The following MEGF10 variants were observed in gnomAD, a reference collection of about 807,000 sequenced individuals.
MEGF10 encodes multiple epidermal growth factor-like domains protein 10.
Under a neutral mutation model 147.5 loss-of-function variants are expected in MEGF10, and 86 were observed. The ratio of observed to expected loss-of-function variants is 0.58; its 90% confidence interval spans 0.49 to 0.70. MEGF10 has a LOEUF of 0.70. Among genes scored for constraint, MEGF10 ranks in the 30% least tolerant of loss-of-function variants. MEGF10 has a pLI of 0.00. For missense variants in MEGF10, 1,329 were observed against 1,487.3 expected (o/e 0.89, Z 1.75); for synonymous variants, 478 against 525.5 (o/e 0.91, Z 1.24).
At chr5:127,340,868 A>G (rs571209378) in intron 4 of MEGF10, among the ~76,000 whole-genome samples, 4 of 152,308 alleles carry the variant, frequency 2.6e-5, no homozygotes, top group African/African-American at 9.6e-5. Context: ...TTACAGAAAG[A>G]TGATTCAAGG....
intron 5 of MEGF10, 133 bp from the exon 6 acceptor site, chr5:127,396,399 G>A (rs1763912913): frequency 9.6e-7 from 1 of 1,039,816 alleles, no homozygotes; most frequent in African/African-American, 1.6e-5. Flanking sequence ...GCATTGCCAT[G>A]GGTTGGGGCC....
intron 4 of MEGF10, among the ~76,000 whole-genome samples, chr5:127,364,797 C>T (rs998006209): frequency 6.6e-6 from 1 of 152,130 alleles, no homozygotes; most frequent in Non-Finnish European, 1.5e-5. Flanking sequence ...TCTAGTACAC[C>T]TGCCATGGTA....
intron 18 of MEGF10, 25 bp downstream of exon 18, chr5:127,440,892 T>G (rs200955917): frequency 2.6e-5 from 42 of 1,604,458 alleles, no homozygotes; most frequent in Non-Finnish European, 3.4e-5. Flanking sequence ...GTGGCATCAC[T>G]GGGTGGTATT....
At chr5:127,411,425 T>C (rs1217792443) in intron 9 of MEGF10, among the ~76,000 whole-genome samples, 7 of 152,270 alleles carry the variant, frequency 4.6e-5, no homozygotes, top group Non-Finnish European at 1.0e-4. Context: ...ACTTCATTTA[T>C]ACTTCTGAAA....
intron 8 of MEGF10, among the ~76,000 whole-genome samples, chr5:127,403,904 A>G (rs1764225673): frequency 1.3e-5 from 2 of 152,220 alleles, no homozygotes; most frequent in Admixed American, 1.3e-4. Context: ...CAACAAACAT[A>G]GGAGTGCAGA....
In MEGF10 at chr5:127,398,723, A is replaced by G. The variant is rs1415668238; in HGVS notation, c.707A>G (p.Gln236Arg). Residue 236 changes from glutamine (Q) to arginine (R), a missense_variant, in exon 7 of 25, where the codon CAG becomes CGG. Physicochemically the swap from Gln to Arg is conservative, Grantham distance 43 (BLOSUM62 1). Coordinates refer to ENST00000503335, the MANE Select transcript of MEGF10 (RefSeq NM_001256545.2). ...GGTAAACATGGTCCACAGTGTGAGC[A>G]GAGATGCCCTTGTCAAAATGGAGGA... ...PPGKHGPQCEQRCPCQNGGVC... is the reference protein window; with the variant it reads ...PPGKHGPQCERRCPCQNGGVC... 1.9e-6 allele frequency: 3 copies of G among 1,614,040 alleles called. No homozygotes were observed. Among genetic ancestry groups the G allele is most frequent in the African/African-American group, 1.3e-5 (1 of 75,048 alleles).
chr5:127,262,338 G>GGT, the MEGF10 span, among the ~76,000 whole-genome samples: 1 of 152,114 alleles, frequency 6.6e-6, no homozygotes, highest in African/African-American at 2.4e-5. Context: ...TGGCTATCCA[G>GGT]GTGTCCCAGC....
chr5:127,306,123 G>A (rs1380566147), intron 1 of MEGF10, among the ~76,000 whole-genome samples: 2 of 152,160 alleles, frequency 1.3e-5, no homozygotes, highest in East Asian at 3.9e-4. Context: ...GAATTTGGAA[G>A]ACCATTTTTC....
At chr5:127,345,552 A>T (rs1318859807) in intron 4 of MEGF10, among the ~76,000 whole-genome samples, 1 of 152,230 alleles carries the variant, frequency 6.6e-6, no homozygotes, top group African/African-American at 2.4e-5. Flanking sequence ...TTACTAGGAC[A>T]GGAAGAAATC....
the MEGF10 span, among the ~76,000 whole-genome samples, chr5:127,281,566 C>T: frequency 7.2e-5 from 11 of 152,192 alleles, no homozygotes; most frequent in African/African-American, 2.7e-4. Flanking sequence ...GTGTACATTG[C>T]TTCTCTCCTG....
chr5:127,400,970 A>G (rs1227375372), intron 7 of MEGF10, among the ~76,000 whole-genome samples: 4 of 152,202 alleles, frequency 2.6e-5, no homozygotes, highest in East Asian at 1.9e-4. Flanking sequence ...ATATATTCCT[A>G]TAGACACACA....
intron 5 of MEGF10, among the ~76,000 whole-genome samples, chr5:127,394,040 A>G (rs565631553): frequency 1.3e-5 from 2 of 152,334 alleles, no homozygotes; most frequent in South Asian, 4.1e-4. Context: ...CCACAGTGTC[A>G]CATGGGGGAA....
rs146566192 is a variant in MEGF10, at chr5:127,340,534, A to T, written c.223A>T (p.Ser75Cys). Reference sequence around the variant, plus strand: ...CTAATTTTTCCTTCTCTATAGAGTCAGCTATCGGACAGCCTATCGACATGG... The same window carrying T: ...CTAATTTTTCCTTCTCTATAGAGTCTGCTATCGGACAGCCTATCGACATGG... ...NWFKCTRHRV[S>C]YRTAYRHGEK... Residue 75 changes from serine (S) to cysteine (C), a missense_variant, in exon 4 of 25, where the codon AGC becomes TGC. By Grantham distance (112) the Ser-to-Cys change is moderately radical (BLOSUM62 -1). Coordinates refer to ENST00000503335, the MANE Select transcript of MEGF10 (RefSeq NM_001256545.2). The T allele has an allele frequency of 3.7e-6, 6 of 1,611,974 alleles. No individual in the cohort carries two copies. In the East Asian group the frequency reaches 1.1e-4, roughly 30 times the overall value.
intron 1 of MEGF10, among the ~76,000 whole-genome samples, chr5:127,320,858 C>A (rs1472697742): frequency 1.3e-5 from 2 of 152,218 alleles, no homozygotes; most frequent in Non-Finnish European, 2.9e-5. Context: ...TGGTTCAGAA[C>A]TGAGTCCACT....
intron 7 of MEGF10, among the ~76,000 whole-genome samples, chr5:127,400,998 G>A (rs536911009): frequency 1.3e-5 from 2 of 152,226 alleles, no homozygotes; most frequent in Admixed American, 6.5e-5. Flanking sequence ...ATATTGAAAC[G>A]AAGAGAAATC....
At chr5:127,237,735 TG>T in the MEGF10 span, among the ~76,000 whole-genome samples, 1 of 152,058 alleles carries the variant, frequency 6.6e-6, no homozygotes, top group South Asian at 2.1e-4. Flanking sequence ...TTTTAAGTCC[TG>T]GGCAGGGTGA....
At chr5:127,247,300 G>A in the MEGF10 span, among the ~76,000 whole-genome samples, 6 of 96,014 alleles carry the variant, frequency 6.2e-5, no homozygotes, top group Admixed American at 1.4e-4. Flanking sequence ...GTGGGGGAGA[G>A]AGAGCGAGAG....
At chr5:127,302,330 A>G (rs1425021129) in intron 1 of MEGF10, among the ~76,000 whole-genome samples, 1 of 152,230 alleles carries the variant, frequency 6.6e-6, no homozygotes, top group African/African-American at 2.4e-5. Flanking sequence ...TACAACATGG[A>G]TGAACCTTAG....
chr5:127,370,143 C>T, intron 5 of MEGF10, 141 bp downstream of exon 5: 1 of 560,886 alleles, frequency 1.8e-6, no homozygotes, highest in Non-Finnish European at 3.2e-6. Flanking sequence ...CTCAGTCATA[C>T]AGTTTCTTTT....
Sources: allele counts gnomAD v4.1 joint callset (sites outside exome capture counted in the v4.1 genomes callset), GRCh38; gene constraint gnomAD v4.1.1; transcripts MANE v1.5; gene names NCBI Gene and HGNC (gene_info 2026-07-23, HGNC 2026-07-21).